The following ADAM11 variants were observed in gnomAD, a reference collection of about 807,000 sequenced individuals.
ADAM11 encodes ADAM metallopeptidase domain 11.
Under a neutral mutation model 119.1 loss-of-function variants are expected in ADAM11, and 49 were observed. The observed-to-expected ratio is 0.41, with a 90% confidence interval of 0.33 to 0.52. ADAM11 has a LOEUF of 0.52. Ranked by LOEUF, ADAM11 falls within the 20% of genes least tolerant of loss-of-function variation. ADAM11 has a pLI of 0.20. For missense variants in ADAM11, 777 were observed against 1,047.5 expected (o/e 0.74, Z 3.56); for synonymous variants, 364 against 408.0 (o/e 0.89, Z 1.30).
Position 44,759,831 on chromosome 17 carries a change from C to T in ADAM11, c.171C>T (p.Ser57=). ...AACCCAGCCGTCTGGTTAGGGAGAGCTCCGGGGGAGAGGTCCGAAAGCAGC... is the reference window on the plus strand; with the variant it reads ...AACCCAGCCGTCTGGTTAGGGAGAGTTCCGGGGGAGAGGTCCGAAAGCAGC... ...VTEPSRLVRE[S]SGGEVRKQQL... The change falls in exon 2 of 27, where the codon AGC becomes AGT. Residue 57 remains serine, a synonymous_variant. Transcript: ENST00000200557. 1 of 1,315,858 alleles carries T rather than the reference C, an allele frequency of 7.6e-7. No individual in the cohort carries two copies. Among genetic ancestry groups the T allele is most frequent in the Non-Finnish European group, 9.8e-7 (1 of 1,024,136 alleles). The allele number at this position is 1,315,858 out of a possible 1,614,324, so 81.5% of individuals were successfully genotyped here.
chr17:44,777,710 G>A lies in ADAM11; in HGVS notation c.1917G>A (p.Gln639=), dbSNP rs1462380723. Residue 639 remains glutamine (Q), a synonymous_variant, in exon 23 of 27, where the codon CAG becomes CAA. Transcript: ENST00000200557. The surrounding 1 kb of genome is among the most constrained non-coding windows in gnomAD (Gnocchi z 5.1). ...ACTTCCCCAGGGGAGGCCACGTGCA[G>A]CTGGCGGACGGCTCTGACCTGAGCT... ...KELDCRGGHV[Q]LADGSDLSYV... 1.2e-6 allele frequency: 2 copies of A among 1,613,714 alleles called. No homozygotes were observed. Among genetic ancestry groups the A allele is most frequent in the Non-Finnish European group, 1.7e-6 (2 of 1,179,864 alleles).
At position 44,772,850 on chromosome 17, in the gene ADAM11, C is replaced by A; in HGVS notation, c.679-7C>A. 3 of 1,613,268 alleles carry A rather than the reference C, an allele frequency of 1.9e-6. No homozygotes were observed. Among genetic ancestry groups the A allele is most frequent in the East Asian group, 2.2e-5 (1 of 44,864 alleles). On this transcript the variant is annotated splice_region_variant and splice_polypyrimidine_tract_variant and intron_variant, in intron 8 of 26. Coordinates refer to ENST00000200557, the MANE Select transcript of ADAM11 (RefSeq NM_002390.6). The surrounding 1 kb of genome is among the most constrained non-coding windows in gnomAD (Gnocchi z 4.5). The stretch of plus-strand genomic sequence containing the variant: ...GGACTGATTCCAAGTGCCCACCCAC[C>A]CCCCAGGTCCGCCGGGGCCACCCTA...
intron 2 of ADAM11, among the ~76,000 whole-genome samples, chr17:44,763,889 G>A (rs979340607): frequency 1.3e-5 from 2 of 151,948 alleles, no homozygotes; most frequent in African/African-American, 4.8e-5. Context: ...GCTAATTTTT[G>A]TATTTTTAGT....
intron 2 of ADAM11, among the ~76,000 whole-genome samples, chr17:44,760,745 G>C (rs555081146): frequency 1.3e-5 from 2 of 152,226 alleles, no homozygotes; most frequent in South Asian, 4.2e-4. Flanking sequence ...TGGCAGCGGG[G>C]AGTGGTGGGA....
At chr17:44,759,302 C>G in intron 1 of ADAM11, 42 bp downstream of exon 1, 3 of 1,351,198 alleles carry the variant, frequency 2.2e-6, no homozygotes, top group South Asian at 3.4e-5. Flanking sequence ...CTCCCTGCCC[C>G]CGCCCCGGGA....
rs952336355 is a variant in ADAM11 at position 44,774,003 on chromosome 17, A to G, written c.993-292A>G. Among the ~76,000 whole-genome samples the G allele has an allele frequency of 1.6e-4, 24 of 152,200 alleles. 1 individual carries two copies. The highest frequency in any genetic ancestry group is 5.9e-5 in the Non-Finnish European group (4 of 68,026). ...CTACTCGGGAGGCTGAGGCAGGAGAATCGTTTGAACCCAGGAGGTGGAGAT... is the reference window on the plus strand; with the variant it reads ...CTACTCGGGAGGCTGAGGCAGGAGAGTCGTTTGAACCCAGGAGGTGGAGAT... On this transcript the variant is annotated intron_variant, in intron 11 of 26. Transcript: ENST00000200557.
chr17:44,767,331 GGT>G, intron 2 of ADAM11, among the ~76,000 whole-genome samples: 1 of 148,470 alleles, frequency 6.7e-6, no homozygotes, highest in Non-Finnish European at 1.5e-5. Context: ...CTACAGCCTG[GGT>G]GATAGAGTGA....
At chr17:44,766,160 G>A (rs1406693857) in intron 2 of ADAM11, among the ~76,000 whole-genome samples, 1 of 152,336 alleles carries the variant, frequency 6.6e-6, no homozygotes, top group East Asian at 1.9e-4. Context: ...GCCCTGCATG[G>A]GTTGGCAGGT....
intron 2 of ADAM11, 93 bp from the exon 3 acceptor site, chr17:44,769,625 C>A (rs2049491813): frequency 1.2e-6 from 1 of 827,772 alleles, no homozygotes; most frequent in Admixed American, 2.1e-5. Flanking sequence ...CTGGCCACCC[C>A]TTCCCCAGGG....
At position 44,766,123 on chromosome 17, in the gene ADAM11, A is replaced by G. The variant is rs184648106; in HGVS notation, c.238-3595A>G. Among the ~76,000 whole-genome samples, 233 of 152,330 alleles carry G rather than the reference A, an allele frequency of 1.5e-3. 2 individuals are homozygous for G. Among genetic ancestry groups the G allele is most frequent in the Non-Finnish European group, 2.7e-3 (183 of 68,020 alleles). On this transcript the variant is annotated intron_variant, in intron 2 of 26. Coordinates refer to ENST00000200557, the MANE Select transcript of ADAM11 (RefSeq NM_002390.6). ...AGAAGTGTATGTCTACTGTGTGCTT[A>G]AAGGCCCAGAGGTGGAGGGCGCCAG... is the stretch of plus-strand genomic sequence containing the variant.
At chr17:44,762,969 CAAA>C (rs56690757) in intron 2 of ADAM11, among the ~76,000 whole-genome samples, 4 of 130,762 alleles carry the variant, frequency 3.1e-5, no homozygotes, top group African/African-American at 2.8e-5. Flanking sequence ...CCGTCTCTAC[CAAA>C]AAAAAAAAAA....
intron 25 of ADAM11, 36 bp downstream of exon 25, chr17:44,778,278 C>T: frequency 6.3e-7 from 1 of 1,578,896 alleles, no homozygotes; most frequent in African/African-American, 1.3e-5. Flanking sequence ...CCCTGGCATC[C>T]TTGAGGGGGG....
chr17:44,764,447 A>G (rs941654838), intron 2 of ADAM11, among the ~76,000 whole-genome samples: 9 of 152,078 alleles, frequency 5.9e-5, no homozygotes, highest in African/African-American at 1.9e-4. Flanking sequence ...AGGCCATGCT[A>G]TAGTCTGTGT....
Position 44,772,714 on chromosome 17 carries a change from C to A in ADAM11, c.679-143C>A. ...CCCTCATTCCAAAGCTGAGGAAGGA[C>A]AGGACCCTCTGCCAGTGGGGAGCTG... On this transcript the variant is annotated intron_variant, in intron 8 of 26. Coordinates refer to ENST00000200557, the MANE Select transcript of ADAM11 (RefSeq NM_002390.6). The surrounding 1 kb of genome is among the most constrained non-coding windows in gnomAD (Gnocchi z 4.5). 1.1e-6 allele frequency: 1 copy of A among 910,066 alleles called. No individual in the cohort carries two copies. Among genetic ancestry groups the A allele is most frequent in the Non-Finnish European group, 1.7e-6 (1 of 589,738 alleles). 56.4% of individuals were successfully genotyped at this position (910,066 alleles called of 1,614,324 possible).
intron 2 of ADAM11, among the ~76,000 whole-genome samples, chr17:44,768,650 G>T (rs2049481021): frequency 6.6e-6 from 1 of 152,246 alleles, no homozygotes; most frequent in Non-Finnish European, 1.5e-5. Flanking sequence ...CACACAAGAA[G>T]TGCTCGGTAA....
intron 4 of ADAM11, 21 bp from the exon 5 acceptor site, chr17:44,771,563 C>T (rs2145224526): frequency 6.2e-7 from 1 of 1,608,972 alleles, no homozygotes; most frequent in African/African-American, 1.3e-5. Flanking sequence ...CAGCGTTCTG[C>T]TCACTGTTCT....
chr17:44,760,458 C>T (rs969878784), intron 2 of ADAM11, among the ~76,000 whole-genome samples: 1 of 152,246 alleles, frequency 6.6e-6, no homozygotes, highest in African/African-American at 2.4e-5. Context: ...CCTGCCTGCC[C>T]ACTGTCCCTT....
intron 26 of ADAM11, 29 bp from the exon 27 acceptor site, chr17:44,779,710 C>T (rs2049665318): frequency 6.3e-7 from 1 of 1,588,116 alleles, no homozygotes. Context: ...CTGCTCACGT[C>T]CTCCCCTGAT....
chr17:44,779,715 C>T (rs760150185), intron 26 of ADAM11, 24 bp from the exon 27 acceptor site: 20 of 1,590,216 alleles, frequency 1.3e-5, no homozygotes, highest in Non-Finnish European at 1.7e-5. Context: ...CACGTCCTCC[C>T]CTGATGCCCC....
Sources: gnomAD v4.1 joint callset for allele counts (sites outside exome capture counted in the v4.1 genomes callset) on GRCh38, gnomAD v4.1.1 for gene constraint, Gnocchi (gnomAD v3.1) non-coding constraint, MANE v1.5 for transcripts, NCBI Gene and HGNC (gene_info 2026-07-23, HGNC 2026-07-21) for gene names.